Variants in ABHD5 observed in about 807,000 individuals in gnomAD.
ABHD5 encodes abhydrolase domain containing 5, lysophosphatidic acid acyltransferase, also known as 1-acylglycerol-3-phosphate O-acyltransferase ABHD5.
ABHD5 carries 30 observed loss-of-function variants against 44.9 expected under a neutral mutation model. The observed-to-expected ratio is 0.67, with a 90% confidence interval of 0.50 to 0.91. The LOEUF is 0.91. Ranked by LOEUF, ABHD5 falls within the 40% of genes least tolerant of loss-of-function variation. The pLI is 0.00. For missense variants in ABHD5, 399 were observed against 423.4 expected, an observed-to-expected ratio of 0.94 and a Z score of 0.50; for synonymous variants, 167 against 147.0, an observed-to-expected ratio of 1.14 and a Z score of -0.99.
At chr3:43,709,628 A>C (rs1465111243) in intron 3 of ABHD5, among the ~76,000 whole-genome samples, 1 of 152,218 alleles carries the variant, frequency 6.6e-6, no homozygotes, top group East Asian at 1.9e-4. Context: ...AGTGAATAAT[A>C]GTGGCTGTTT....
At chr3:43,716,895 C>G (rs1189411915) in intron 5 of ABHD5, among the ~76,000 whole-genome samples, 1 of 152,004 alleles carries the variant, frequency 6.6e-6, no homozygotes, top group Non-Finnish European at 1.5e-5. Flanking sequence ...CAGAAGGGAC[C>G]AGGCGTGGTA....
intron 4 of ABHD5, among the ~76,000 whole-genome samples, chr3:43,712,870 C>G (rs984383618): frequency 6.6e-6 from 1 of 152,060 alleles, no homozygotes; most frequent in Non-Finnish European, 1.5e-5. Context: ...GAAGAAAGTC[C>G]TCTCTGGAAG....
At position 43,699,288 on chromosome 3, in the gene ABHD5, A is replaced by C. The variant is rs1263770545; in HGVS notation, c.60A>C (p.Leu20=). 1 of 1,613,892 alleles carries C rather than the reference A, an allele frequency of 6.2e-7. No individual in the cohort carries two copies. Among genetic ancestry groups the C allele is most frequent in the Non-Finnish European group, 8.5e-7 (1 of 1,179,888 alleles). ...SADTGERSGW[L]TGWLPTWCPT... is the part of the protein sequence containing the mutation. ...TTTGGTGCTCTAGGTCAGGATGGCTAACTGGTTGGCTCCCCACATGGTGCC... is the reference window on the plus strand; with the variant it reads ...TTTGGTGCTCTAGGTCAGGATGGCTCACTGGTTGGCTCCCCACATGGTGCC... Residue 20 remains leucine (L), a synonymous_variant, in exon 2 of 7, where the codon CTA becomes CTC. Transcript: ENST00000644371.
At position 43,715,014 on chromosome 3, in the gene ABHD5, T is replaced by TA. The variant is rs754573124; in HGVS notation, c.730dup (p.Thr244AsnfsTer10). 17 of 1,613,178 alleles carry TA rather than the reference T, an allele frequency of 1.1e-5. No individual in the cohort carries two copies. In the South Asian group the frequency reaches 1.8e-4, roughly 17 times the overall value. On this transcript the variant is annotated frameshift_variant, in exon 5 of 7. Coordinates refer to ENST00000644371, the MANE Select transcript of ABHD5 (RefSeq NM_016006.6). LOFTEE classifies it high-confidence loss of function. The stretch of plus-strand genomic sequence containing the variant: ...AGTATTCTTCAATGTTCGAAGACGA[T>TA]ACTGTGACAGAATACATCTACCACT...
At chr3:43,713,986 G>A (rs2084723711) in intron 4 of ABHD5, among the ~76,000 whole-genome samples, 1 of 152,024 alleles carries the variant, frequency 6.6e-6, no homozygotes, top group South Asian at 2.1e-4. Flanking sequence ...GGAGTCATGG[G>A]GTAGTGGTAG....
chr3:43,727,852 G>A (rs1470127873), intron 7 of ABHD5, among the ~76,000 whole-genome samples: 4 of 152,094 alleles, frequency 2.6e-5, no homozygotes, highest in Admixed American at 2.0e-4. Flanking sequence ...CAGGTAATCA[G>A]CCCGCCTCGG....
At chr3:43,711,946 A>T in intron 4 of ABHD5, 83 bp downstream of exon 4, 1 of 1,589,974 alleles carries the variant, frequency 6.3e-7, no homozygotes, top group Non-Finnish European at 8.6e-7. Flanking sequence ...AAAATCTTAA[A>T]AACAAACAAG....
At chr3:43,725,000 G>A (rs1214166281), downstream of ABHD5, among the ~76,000 whole-genome samples, 3 of 152,134 alleles carry the variant, frequency 2.0e-5, no homozygotes, top group Non-Finnish European at 4.4e-5. Context: ...ATAACTAAAA[G>A]GTCTTACTGT....
At chr3:43,722,853 CAAG>C (rs1245057678), downstream of ABHD5, 2 of 152,076 alleles carry the variant, frequency 1.3e-5, no homozygotes, top group Non-Finnish European at 1.5e-5. Flanking sequence ...AAAAGAGACA[CAAG>C]AATATAATAA....
chr3:43,709,457 T>G (rs1036748299), intron 3 of ABHD5, among the ~76,000 whole-genome samples: 1 of 152,246 alleles, frequency 6.6e-6, no homozygotes, highest in African/African-American at 2.4e-5. Flanking sequence ...ATGAGACTTC[T>G]GTCAAGTTTT....
intron 5 of ABHD5, among the ~76,000 whole-genome samples, chr3:43,716,814 C>G (rs961114238): frequency 1.6e-4 from 25 of 152,132 alleles, no homozygotes; most frequent in African/African-American, 5.6e-4. Context: ...TAGTTTGTTA[C>G]TTTGATTGTA....
intron 3 of ABHD5, 128 bp from the exon 4 acceptor site, chr3:43,711,581 C>G (rs2084688694): frequency 1.2e-5 from 12 of 990,286 alleles, no homozygotes; most frequent in South Asian, 1.4e-5. Context: ...ATCTATTTAG[C>G]ACTAATCTTT....
At chr3:43,724,066 A>G (rs997431118), downstream of ABHD5, among the ~76,000 whole-genome samples, 1 of 152,184 alleles carries the variant, frequency 6.6e-6, no homozygotes, top group Non-Finnish European at 1.5e-5. Flanking sequence ...GTTATGTTGA[A>G]GCTGGGTGAC....
At chr3:43,693,777 TGTA>T (rs2149590623) in intron 1 of ABHD5, among the ~76,000 whole-genome samples, 1 of 150,580 alleles carries the variant, frequency 6.6e-6, no homozygotes, top group East Asian at 2.0e-4. Flanking sequence ...ATTCTCTAAA[TGTA>T]GTCATTTTCC....
rs1432677579 is a variant in ABHD5 at position 43,711,809 on chromosome 3, G to A, written c.607G>A (p.Ala203Thr). 1.2e-6 allele frequency: 2 copies of A among 1,614,210 alleles called. No homozygotes were observed. Among genetic ancestry groups the A allele is most frequent in the Non-Finnish European group, 1.7e-6 (2 of 1,180,028 alleles). The change falls in exon 4 of 7, where the codon GCA (alanine) becomes ACA (threonine). Residue 203 changes from alanine (A) to threonine (T), a missense_variant. Ala to Thr is a moderately conservative substitution (Grantham distance 58). Transcript: ENST00000644371. ...TCCAGTTTGGATCAGAGCCTTGGGA[G>A]CAGCATTGACTCCCTTTAACCCTTT... ...PIPVWIRALG[A>T]ALTPFNPLAG...
chr3:43,712,392 G>A (rs1475913928), intron 4 of ABHD5, among the ~76,000 whole-genome samples: 1 of 152,094 alleles, frequency 6.6e-6, no homozygotes, highest in East Asian at 1.9e-4. Flanking sequence ...ACAACATTTT[G>A]GGGACTCCTG....
In ABHD5 at chr3:43,712,012, A is replaced by C; in HGVS notation, c.661+149A>C. On this transcript the variant is annotated intron_variant, in intron 4 of 6. Transcript: ENST00000644371. ...TCCTCTAATAAGTACCATGTCTTGCACAAAGACGAATGCAACTAGGTTCTT... is the reference window on the plus strand; with the variant it reads ...TCCTCTAATAAGTACCATGTCTTGCCCAAAGACGAATGCAACTAGGTTCTT... 3 of 1,002,430 alleles carry C rather than the reference A, an allele frequency of 3.0e-6. No individual in the cohort carries two copies. The Admixed American group carries it at 5.9e-5, about 20-fold the overall frequency. The allele number at this position is 1,002,430 out of a possible 1,614,324, so 62.1% of individuals were successfully genotyped here.
chr3:43,704,854 A>C (rs1402278087), intron 3 of ABHD5, among the ~76,000 whole-genome samples: 2 of 152,218 alleles, frequency 1.3e-5, no homozygotes, highest in African/African-American at 2.4e-5. Context: ...AAGAATCATA[A>C]GTAGTAGCAG....
intron 2 of ABHD5, among the ~76,000 whole-genome samples, chr3:43,700,549 G>A (rs1319486328): frequency 2.6e-5 from 4 of 151,890 alleles, no homozygotes; most frequent in Admixed American, 6.6e-5. Flanking sequence ...ATATCCTTAG[G>A]AAGGGATAAT....
Sources: gnomAD v4.1 joint callset for allele counts (sites outside exome capture counted in the v4.1 genomes callset) on GRCh38, gnomAD v4.1.1 for gene constraint, MANE v1.5 for transcripts, NCBI Gene and HGNC (gene_info 2026-07-23, HGNC 2026-07-21) for gene names.